The following PLEKHH1 variants were observed in gnomAD, a reference collection of about 807,000 sequenced individuals.
PLEKHH1 encodes the protein pleckstrin homology, MyTH4 and FERM domain containing H1.
PLEKHH1 carries 104 observed loss-of-function variants against 160.0 expected under a neutral mutation model. That is an observed-to-expected ratio of 0.65 (90% CI 0.55 to 0.76). The LOEUF (loss-of-function observed/expected upper bound fraction) is 0.76. Among genes scored for constraint, PLEKHH1 ranks in the 30% least tolerant of loss-of-function variants. The pLI is 0.00. For synonymous variants in PLEKHH1, 619 were observed against 678.4 expected, an observed-to-expected ratio of 0.91 and a Z score of 1.36; for missense variants, 1,427 against 1,724.1, an observed-to-expected ratio of 0.83 and a Z score of 3.05.
intron 7 of PLEKHH1, among the ~76,000 whole-genome samples, chr14:67,566,157 C>T (rs1465118): frequency 0.38 from 58,336 of 151,946 alleles, 11,563 homozygotes; most frequent in Non-Finnish European, 0.42. Context: ...GGCACACAGC[C>T]CTAGACTTTT....
At position 67,562,531 on chromosome 14, in the gene PLEKHH1, T is replaced by C; in HGVS notation, c.900T>C (p.Ser300=). ...QRGMLPGTKT[S]AREGGPGSSL... Reference sequence around the variant, plus strand: ...GGATGCTCCCTGGGACAAAGACCTCTGCCAGGGAAGGTGGTCCTGGCAGCA... The same window carrying C: ...GGATGCTCCCTGGGACAAAGACCTCCGCCAGGGAAGGTGGTCCTGGCAGCA... Residue 300 remains serine, a synonymous_variant, in exon 7 of 29, where the codon TCT becomes TCC. Coordinates refer to ENST00000329153, the MANE Select transcript of PLEKHH1 (RefSeq NM_020715.3). 6.2e-7 allele frequency: 1 copy of C among 1,609,718 alleles called. No individual in the cohort carries two copies. Among genetic ancestry groups the C allele is most frequent in the Non-Finnish European group, 8.5e-7 (1 of 1,176,440 alleles).
At chr14:67,564,910 C>G (rs544505757) in intron 7 of PLEKHH1, among the ~76,000 whole-genome samples, 1 of 152,074 alleles carries the variant, frequency 6.6e-6, no homozygotes, top group Non-Finnish European at 1.5e-5. Flanking sequence ...TGGCTGGTCT[C>G]GAACTCCCAG....
In PLEKHH1 at chr14:67,574,179, C is replaced by T. The variant is rs111528809; in HGVS notation, c.1927-63C>T. The T allele has an allele frequency of 6.7e-5, 97 of 1,446,400 alleles. No homozygotes were observed. Among genetic ancestry groups the T allele is most frequent in the South Asian group, 6.5e-4 (46 of 70,622 alleles). The allele number at this position is 1,446,400 out of a possible 1,614,324, so 89.6% of individuals were successfully genotyped here. A position where few individuals can be genotyped will look rare whatever the true frequency, so the allele number is the denominator to read the frequency against. ...TTCAGGGACAGGTGCCACCTCGGAG[C>T]CAGGTCCTGGTTACTCCATTCTCCC... On this transcript the variant is annotated intron_variant, in intron 13 of 28. Transcript: ENST00000329153. This position sits in a 1 kb window ranked among gnomAD's most constrained non-coding sequence, Gnocchi z 4.2.
chr14:67,575,407 T>C lies in PLEKHH1; in HGVS notation c.2104T>C (p.Ser702Pro). The change falls in exon 15 of 29, where the codon TCC (serine) becomes CCC (proline). Residue 702 changes from serine to proline, a missense_variant. By Grantham distance (74) the Ser-to-Pro change is moderately conservative. Coordinates refer to ENST00000329153, the MANE Select transcript of PLEKHH1 (RefSeq NM_020715.3). The part of the protein sequence containing the change: ...GWLTKVKHGH[S>P]KVVWCALVGK... ...TGTCTTACAGGTAAAGCATGGCCACTCCAAGGTGGTCTGGTGCGCTCTTGT... is the reference window on the plus strand; with the variant it reads ...TGTCTTACAGGTAAAGCATGGCCACCCCAAGGTGGTCTGGTGCGCTCTTGT... 6.2e-7 allele frequency: 1 copy of C among 1,607,712 alleles called. No homozygotes were observed. Among genetic ancestry groups the C allele is most frequent in the Admixed American group, 1.7e-5 (1 of 59,504 alleles).
intron 1 of PLEKHH1, among the ~76,000 whole-genome samples, 187 bp from the exon 2 acceptor site, chr14:67,541,647 G>A (rs931125461): frequency 2.0e-5 from 3 of 152,154 alleles, no homozygotes; most frequent in Non-Finnish European, 4.4e-5. Context: ...ACAATGGAGC[G>A]GGACACACTG....
chr14:67,582,241 G>A lies in PLEKHH1; in HGVS notation c.3426+31G>A, dbSNP rs374802703. The A allele has an allele frequency of 3.3e-5, 53 of 1,613,112 alleles. No individual in the cohort carries two copies. The East Asian group carries it at 6.2e-4, about 19-fold the overall frequency. ...GTTCTGTTCAGGAAGCAGGAGGGTC[G>A]GGTTGCCAGCTTAGAATGAATGCAC... On this transcript the variant is annotated intron_variant, in intron 24 of 28. Transcript: ENST00000329153. The surrounding 1 kb of genome is among the most constrained non-coding windows in gnomAD (Gnocchi z 5.0).
At chr14:67,552,992 G>A (rs1219003813) in intron 2 of PLEKHH1, among the ~76,000 whole-genome samples, 2 of 152,182 alleles carry the variant, frequency 1.3e-5, no homozygotes, top group African/African-American at 2.4e-5. Flanking sequence ...ATAACAGAGC[G>A]ATTTCTGGTT....
chr14:67,572,437 G>A (rs2140473578), intron 11 of PLEKHH1, among the ~76,000 whole-genome samples, 160 bp downstream of exon 11: 1 of 152,182 alleles, frequency 6.6e-6, no homozygotes, highest in East Asian at 1.9e-4. Flanking sequence ...TACAGTTATG[G>A]AGTCAGACAC....
rs747264178 is a variant in PLEKHH1, at chr14:67,587,244, C to A, written c.*9C>A. The A allele has an allele frequency of 2.5e-6, 4 of 1,613,518 alleles. No individual in the cohort carries two copies. The highest frequency in any genetic ancestry group is 3.4e-6 in the Non-Finnish European group (4 of 1,179,558). ...GGCCAACGTTGCTGTGAATATTTCT[C>A]CTACCCGATTCCCCAACACCACTAG... On this transcript the variant is annotated 3_prime_UTR_variant, in exon 29 of 29. Coordinates refer to ENST00000329153, the MANE Select transcript of PLEKHH1 (RefSeq NM_020715.3).
chr14:67,548,653 T>C (rs2034274492), intron 2 of PLEKHH1, among the ~76,000 whole-genome samples: 1 of 152,112 alleles, frequency 6.6e-6, no homozygotes. Flanking sequence ...GCCAAGATTG[T>C]GCCATTGCAC....
chr14:67,555,699 A>G (rs2034565145), intron 2 of PLEKHH1, 126 bp from the exon 3 acceptor site: 4 of 1,381,610 alleles, frequency 2.9e-6, no homozygotes, highest in Non-Finnish European at 4.0e-6. Flanking sequence ...CTCTCGAGCC[A>G]CTTGAGATGG....
At chr14:67,559,875 G>A (rs976490628) in intron 5 of PLEKHH1, among the ~76,000 whole-genome samples, 184 bp downstream of exon 5, 2 of 152,082 alleles carry the variant, frequency 1.3e-5, no homozygotes, top group African/African-American at 4.8e-5. Flanking sequence ...TTTTGTCTTG[G>A]TTGGGTCTCC....
At chr14:67,559,798 A>C in intron 5 of PLEKHH1, 107 bp downstream of exon 5, 1 of 717,444 alleles carries the variant, frequency 1.4e-6, no homozygotes. Context: ...GCTGACCTTC[A>C]TTCTGTCCAG....
At chr14:67,557,594 T>C (rs1015705278) in intron 4 of PLEKHH1, among the ~76,000 whole-genome samples, 176 bp downstream of exon 4, 3 of 152,244 alleles carry the variant, frequency 2.0e-5, no homozygotes, top group Admixed American at 1.3e-4. Flanking sequence ...CCACATCTGC[T>C]CATTAGAAGC....
intron 2 of PLEKHH1, among the ~76,000 whole-genome samples, chr14:67,549,051 A>G (rs971237801): frequency 6.6e-6 from 1 of 152,232 alleles, no homozygotes; most frequent in Non-Finnish European, 1.5e-5. Context: ...CCAGAAAAAC[A>G]TATCCTAAAA....
intron 2 of PLEKHH1, among the ~76,000 whole-genome samples, chr14:67,555,572 A>G (rs1232802372): frequency 6.6e-6 from 1 of 152,180 alleles, no homozygotes; most frequent in Non-Finnish European, 1.5e-5. Context: ...CCATCAGGAC[A>G]AAAGAGCTGG....
chr14:67,571,872 G>A lies in PLEKHH1; in HGVS notation c.1555G>A (p.Gly519Arg), dbSNP rs760350685. 6.2e-6 allele frequency: 10 copies of A among 1,612,798 alleles called. No homozygotes were observed. The highest frequency in any genetic ancestry group is 2.2e-5 in the South Asian group (2 of 90,828). The change falls in exon 10 of 29, where the codon GGA (glycine) becomes AGA (arginine). Residue 519 changes from glycine (G) to arginine (R), a missense_variant. Around this residue, in one of 6 missense-constraint regions of PLEKHH1, gnomAD observed 831 missense variants for 929.2 expected, o/e 0.89. Coordinates refer to ENST00000329153, the MANE Select transcript of PLEKHH1 (RefSeq NM_020715.3). ...CTCCTCTGAGTCCAGGAAGACCAGC[G>A]GACTAGGCAGCCCCCGGGCCATCAA... ...VPSSESRKTSGLGSPRAIKRG... is the reference protein window; with the variant it reads ...VPSSESRKTSRLGSPRAIKRG...
Position 67,562,379 on chromosome 14 carries a change from G to A in PLEKHH1, c.748G>A (p.Val250Ile). The change falls in exon 7 of 29, where the codon GTA becomes ATA. Residue 250 changes from valine (V) to isoleucine (I), a missense_variant. Physicochemically the swap from Val to Ile is conservative, Grantham distance 29. Transcript: ENST00000329153. The stretch of plus-strand genomic sequence containing the variant: ...CAGCACGGTCCATTCTGGGGAAACA[G>A]TAGAGGCCAAGCCCCTTCAACCTCA... ...SSSTVHSGET[V>I]EAKPLQPHLG... is the part of the protein sequence containing the mutation. The A allele has an allele frequency of 6.2e-7, 1 of 1,613,636 alleles. No homozygotes were observed. Among genetic ancestry groups the A allele is most frequent in the Non-Finnish European group, 8.5e-7 (1 of 1,179,614 alleles).
chr14:67,582,321 G>A lies in PLEKHH1; in HGVS notation c.3426+111G>A. On this transcript the variant is annotated intron_variant, in intron 24 of 28. Transcript: ENST00000329153. This position sits in a 1 kb window ranked among gnomAD's most constrained non-coding sequence, Gnocchi z 5.0. ...GCAGATCCTGTGGTGCTCAGGAGAG[G>A]GCAGCTTTGCCATCTCTGGGATGGA... 6.4e-7 allele frequency: 1 copy of A among 1,559,706 alleles called. No homozygotes were observed. The highest frequency in any genetic ancestry group is 8.7e-7 in the Non-Finnish European group (1 of 1,150,266).
Sources: allele counts gnomAD v4.1 joint callset (sites outside exome capture counted in the v4.1 genomes callset), GRCh38; gene constraint gnomAD v4.1.1; regional missense constraint gnomAD v4.1.1; non-coding constraint Gnocchi (gnomAD v3.1); transcripts MANE v1.5; gene names NCBI Gene and HGNC (gene_info 2026-07-23, HGNC 2026-07-21).